Variants in RBFOX1 observed in about 807,000 individuals in gnomAD.
The protein encoded by RBFOX1 is RNA binding fox-1 homolog 1.
RBFOX1 carries 8 observed loss-of-function variants against 57.7 expected under a neutral mutation model. That is an observed-to-expected ratio of 0.14 (90% CI 0.08 to 0.25). RBFOX1 has a LOEUF of 0.25. RBFOX1 is among the 10% of genes least tolerant of loss of function. The probability of loss-of-function intolerance (pLI) is 1.00; values close to 1 mark genes in which losing one functional copy is unlikely to be tolerated. For synonymous variants in RBFOX1, 326 were observed against 222.4 expected, an observed-to-expected ratio of 1.47 and a Z score of -4.15; for missense variants, 611 against 548.5, an observed-to-expected ratio of 1.11 and a Z score of -1.14.
intron 2 of RBFOX1, among the ~76,000 whole-genome samples, chr16:6,587,670 A>G (rs1600711740): frequency 1.3e-5 from 2 of 152,198 alleles, no homozygotes; most frequent in African/African-American, 4.8e-5. Flanking sequence ...CTACTAGGGT[A>G]GAGGTTTTTA....
At chr16:6,949,614 C>G (rs948814937) in intron 3 of RBFOX1, among the ~76,000 whole-genome samples, 1 of 152,002 alleles carries the variant, frequency 6.6e-6, no homozygotes, top group Non-Finnish European at 1.5e-5. Flanking sequence ...TTGGATATCT[C>G]TTTCTCTTTT....
chr16:6,460,543 G>C (rs1303045147), intron 2 of RBFOX1, among the ~76,000 whole-genome samples: 1 of 151,842 alleles, frequency 6.6e-6, no homozygotes, highest in Non-Finnish European at 1.5e-5. Context: ...AAACCACAAT[G>C]AGATACCATC....
intron 4 of RBFOX1, among the ~76,000 whole-genome samples, chr16:7,475,505 G>T (rs1195408633): frequency 6.6e-6 from 1 of 151,854 alleles, no homozygotes; most frequent in African/African-American, 2.4e-5. Context: ...TAGTAGAGAC[G>T]GCGTTTCACC....
At chr16:6,383,169 T>C (rs779992091) in intron 2 of RBFOX1, among the ~76,000 whole-genome samples, 26 of 152,238 alleles carry the variant, frequency 1.7e-4, no homozygotes, top group Non-Finnish European at 3.4e-4. Context: ...TGGTAAATCT[T>C]CCAAGAAGAT....
At chr16:5,611,516 C>T (rs2047785486) in intron 3 of RBFOX1, 1 of 152,196 alleles carries the variant, frequency 6.6e-6, no homozygotes. Context: ...CTTTTCTCTT[C>T]TTCAGTAGCC....
chr16:6,777,862 G>A (rs1006724240), intron 3 of RBFOX1, among the ~76,000 whole-genome samples: 9 of 152,090 alleles, frequency 5.9e-5, no homozygotes, highest in African/African-American at 2.2e-4. Flanking sequence ...ATTCCTCAGA[G>A]GTGTCAGAGC....
At chr16:6,001,459 T>A (rs2060598679) in intron 4 of RBFOX1, among the ~76,000 whole-genome samples, 2 of 152,158 alleles carry the variant, frequency 1.3e-5, no homozygotes, top group Non-Finnish European at 2.9e-5. Context: ...TTTGCTCGAA[T>A]TACAGAAAGC....
chr16:6,787,047 G>A (rs1004740184), intron 3 of RBFOX1, among the ~76,000 whole-genome samples: 1 of 152,122 alleles, frequency 6.6e-6, no homozygotes, highest in South Asian at 2.1e-4. Flanking sequence ...TACATTAGTT[G>A]ATTTGAATTT....
intron 1 of RBFOX1, among the ~76,000 whole-genome samples, chr16:5,337,368 A>G (rs1005326815): frequency 2.3e-4 from 35 of 152,254 alleles, no homozygotes; most frequent in Admixed American, 1.3e-4. Context: ...TGGGTCAAAT[A>G]TAACCAGTTC....
chr16:7,196,002 T>A (rs547199838), intron 4 of RBFOX1, among the ~76,000 whole-genome samples: 1 of 152,056 alleles, frequency 6.6e-6, no homozygotes, highest in Admixed American at 6.6e-5. Context: ...TCTTCCAGGC[T>A]GTCACCGTCT....
At chr16:6,848,159 C>G (rs930525187) in intron 3 of RBFOX1, among the ~76,000 whole-genome samples, 3 of 151,886 alleles carry the variant, frequency 2.0e-5, no homozygotes, top group Admixed American at 6.6e-5. Flanking sequence ...TGTGTTACCC[C>G]ACAAGGAGGC....
intron 2 of RBFOX1, among the ~76,000 whole-genome samples, chr16:6,518,449 A>G (rs554932162): frequency 5.3e-5 from 8 of 152,248 alleles, no homozygotes; most frequent in African/African-American, 1.7e-4. Flanking sequence ...TGTCATTTCA[A>G]TTAATGTGCT....
intron 3 of RBFOX1, among the ~76,000 whole-genome samples, chr16:6,811,889 C>G (rs895316859): frequency 6.6e-6 from 1 of 152,034 alleles, no homozygotes. Context: ...AACTCCATCT[C>G]AAAATATAAA....
intron 4 of RBFOX1, among the ~76,000 whole-genome samples, chr16:7,068,692 A>G (rs1185490282): frequency 1.3e-5 from 2 of 151,998 alleles, no homozygotes; most frequent in East Asian, 1.9e-4. Flanking sequence ...GGTTCAGGAG[A>G]TTCTCCTGTC....
At chr16:6,745,087 A>C (rs1393744136) in intron 3 of RBFOX1, among the ~76,000 whole-genome samples, 1 of 152,080 alleles carries the variant, frequency 6.6e-6, no homozygotes. Context: ...TTAAGGGTGA[A>C]ATGGGTAAAT....
At chr16:5,378,103 G>C (rs754339333) in intron 1 of RBFOX1, among the ~76,000 whole-genome samples, 1 of 151,590 alleles carries the variant, frequency 6.6e-6, no homozygotes, top group Non-Finnish European at 1.5e-5. Context: ...AAAGAGGAGT[G>C]GGGAATAAAA....
At position 5,493,548 on chromosome 16, in the gene RBFOX1, G is replaced by C. The variant is rs1353782370; in HGVS notation, c.258+26294G>C. ...CTTTGCGAAGTCCCTGTCCCCATTG[G>C]TTTACCCTGGTGCTGATTGATGGGA... On this transcript the variant is annotated intron_variant, in intron 2 of 2. Transcript: ENST00000585867. 2.6e-5 allele frequency among the ~76,000 whole-genome samples: 4 copies of C among 152,284 alleles called. No homozygotes were observed. In the East Asian group the frequency reaches 7.7e-4, roughly 29 times the overall value.
chr16:6,746,919 G>C (rs2073804936), intron 3 of RBFOX1, among the ~76,000 whole-genome samples: 1 of 151,964 alleles, frequency 6.6e-6, no homozygotes, highest in Admixed American at 6.6e-5. Flanking sequence ...TCAGTATTTT[G>C]GGAGACTTCA....
intron 1 of RBFOX1, among the ~76,000 whole-genome samples, chr16:5,333,459 T>C (rs1314398110): frequency 6.6e-6 from 1 of 152,026 alleles, no homozygotes; most frequent in African/African-American, 2.4e-5. Context: ...AGGAAGAGTT[T>C]ACAGATCCCC....
Sources: allele counts gnomAD v4.1 joint callset (sites outside exome capture counted in the v4.1 genomes callset), GRCh38; gene constraint gnomAD v4.1.1; transcripts MANE v1.5; gene names NCBI Gene and HGNC (gene_info 2026-07-23, HGNC 2026-07-21).